PJA2: variants seen among roughly 807,000 people sequenced by gnomAD.
The protein encoded by PJA2 is praja ring finger ubiquitin ligase 2, also known as E3 ubiquitin-protein ligase Praja-2.
Under a neutral mutation model 69.3 loss-of-function variants are expected in PJA2, and 25 were observed. That is an observed-to-expected ratio of 0.36 (90% CI 0.26 to 0.50). PJA2 has a LOEUF of 0.50. Among genes scored for constraint, PJA2 ranks in the 20% least tolerant of loss-of-function variants. The pLI is 0.96. For synonymous variants in PJA2, 308 were observed against 277.8 expected, an observed-to-expected ratio of 1.11 and a Z score of -1.08; for missense variants, 809 against 830.2, an observed-to-expected ratio of 0.97 and a Z score of 0.31.
chr5:109,403,969 G>T (rs891172725), intron 1 of PJA2, among the ~76,000 whole-genome samples: 3 of 151,970 alleles, frequency 2.0e-5, no homozygotes, highest in African/African-American at 7.3e-5. Flanking sequence ...TACTCAGGGG[G>T]CTGAGGCAGA....
chr5:109,335,767 A>C lies in PJA2; in HGVS notation c.*1464T>G, dbSNP rs1233482704. ...GAGGGAAAACATGCTAGCTAATGCA[A>C]CATTAAGGCCTGAATGTAAGCATTT... On this transcript the variant is annotated 3_prime_UTR_variant, in exon 10 of 10. Transcript: ENST00000361189. The C allele has an allele frequency of 6.6e-6, 1 of 152,628 alleles. No individual in the cohort carries two copies. The highest frequency in any genetic ancestry group is 2.4e-5 in the African/African-American group (1 of 41,462). 9.5% of individuals were successfully genotyped at this position (152,628 alleles called of 1,614,324 possible).
At chr5:109,387,900 C>T (rs187922414) in intron 1 of PJA2, among the ~76,000 whole-genome samples, 7 of 152,252 alleles carry the variant, frequency 4.6e-5, no homozygotes, top group Non-Finnish European at 1.0e-4. Context: ...AGTTACTGAA[C>T]AAACGAATGA....
chr5:109,344,653 T>C, intron 8 of PJA2, 52 bp downstream of exon 8: 4 of 1,190,780 alleles, frequency 3.4e-6, no homozygotes, highest in Non-Finnish European at 4.9e-6. Flanking sequence ...ATTGATAATA[T>C]ACTTAAATGT....
Position 109,401,239 on chromosome 5 carries a change from G to A in PJA2, c.-88+8603C>T, listed in dbSNP as rs530932566. Among the ~76,000 whole-genome samples, 1,173 of 152,170 alleles carry A rather than the reference G, an allele frequency of 7.7e-3. 20 individuals carry two copies. The highest frequency in any genetic ancestry group is 5.4e-3 in the Non-Finnish European group (369 of 67,988). On this transcript the variant is annotated intron_variant, in intron 1 of 9. Coordinates refer to ENST00000361189, the MANE Select transcript of PJA2 (RefSeq NM_014819.5). ...GTAGAGGTTGCAGTGAGCTGAGATGGCGCCATTGCACTCCAACCTGGGCGA... is the reference window on the plus strand; with the variant it reads ...GTAGAGGTTGCAGTGAGCTGAGATGACGCCATTGCACTCCAACCTGGGCGA...
chr5:109,390,330 A>AT (rs982426666), intron 1 of PJA2, among the ~76,000 whole-genome samples: 6 of 150,920 alleles, frequency 4.0e-5, no homozygotes, highest in South Asian at 2.1e-4. Flanking sequence ...ACTCATCATG[A>AT]TTTTTTTTTC....
At chr5:109,380,114 G>C (rs1332158419) in intron 3 of PJA2, among the ~76,000 whole-genome samples, 1 of 90,996 alleles carries the variant, frequency 1.1e-5, no homozygotes, top group East Asian at 3.1e-4. Flanking sequence ...TTTTTTTTGA[G>C]ACGGAGTCTT....
Position 109,344,294 on chromosome 5 carries a change from A to C in PJA2, c.1897T>G (p.Cys633Gly), listed in dbSNP as rs1248126716. ...TACTCACTGCAACAGATTGGACAGCATTGTTCCTGACCAATAGCTGAAAAC... is the reference window on the plus strand; with the variant it reads ...TACTCACTGCAACAGATTGGACAGCCTTGTTCCTGACCAATAGCTGAAAAC... ...EDHTAIGQEQ[C>G]CPICCSEYIK... Residue 633 changes from cysteine to glycine, a missense_variant, in exon 9 of 10, where the codon TGC (cysteine) becomes GGC (glycine). Physicochemically the swap from Cys to Gly is radical, Grantham distance 159. This residue lies in a region of PJA2 where 19 missense variants were observed against 62.9 expected (regional missense o/e 0.30). Transcript: ENST00000361189. 1 of 1,600,358 alleles carries C rather than the reference A, an allele frequency of 6.2e-7. No homozygotes were observed.
chr5:109,409,909 TC>T lies in PJA2; in HGVS notation c.-156del. On this transcript the variant is annotated 5_prime_UTR_variant, in exon 1 of 10. Coordinates refer to ENST00000361189, the MANE Select transcript of PJA2 (RefSeq NM_014819.5). Reference sequence around the variant, plus strand: ...TCCACCCGCCACCACCGCCTTCTTCTCCGCCTCCAACTCCTCCCCCGCCGAA... The same window carrying T: ...TCCACCCGCCACCACCGCCTTCTTCTCGCCTCCAACTCCTCCCCCGCCGAA... 1 of 177,766 alleles carries T rather than the reference TC, an allele frequency of 5.6e-6. No homozygotes were observed. Among genetic ancestry groups the T allele is most frequent in the Non-Finnish European group, 1.2e-5 (1 of 85,090 alleles). The allele number at this position is 177,766 out of a possible 1,614,324, so 11.0% of individuals were successfully genotyped here. A position where few individuals can be genotyped will look rare whatever the true frequency, so the allele number is the denominator to read the frequency against.
chr5:109,399,210 CAA>C (rs1251249257), intron 1 of PJA2, among the ~76,000 whole-genome samples: 23 of 96,596 alleles, frequency 2.4e-4, no homozygotes, highest in Non-Finnish European at 2.9e-4. Context: ...AACTCTGTCT[CAA>C]AAAAAAAAAA....
intron 9 of PJA2, among the ~76,000 whole-genome samples, chr5:109,341,416 C>T (rs1468399216): frequency 1.4e-5 from 2 of 144,134 alleles, no homozygotes; most frequent in African/African-American, 2.6e-5. Flanking sequence ...ACCACCCCGT[C>T]TGAGAAGTGA....
chr5:109,388,782 C>T (rs1582622095), intron 1 of PJA2, among the ~76,000 whole-genome samples: 1 of 152,162 alleles, frequency 6.6e-6, no homozygotes, highest in African/African-American at 2.4e-5. Context: ...TTTATATTTA[C>T]ATATATGCCT....
intron 4 of PJA2, among the ~76,000 whole-genome samples, chr5:109,376,303 T>C (rs1232093607): frequency 6.7e-6 from 1 of 148,576 alleles, no homozygotes; most frequent in Non-Finnish European, 1.5e-5. Flanking sequence ...TTGACATCAC[T>C]TAAGAAAAAA....
At chr5:109,400,795 T>C (rs1041677024) in intron 1 of PJA2, among the ~76,000 whole-genome samples, 19 of 151,718 alleles carry the variant, frequency 1.3e-4, no homozygotes, top group African/African-American at 3.9e-4. Context: ...CTGGCTAACA[T>C]GGTGAAACCC....
At chr5:109,395,261 G>C (rs947425508) in intron 1 of PJA2, among the ~76,000 whole-genome samples, 1 of 152,236 alleles carries the variant, frequency 6.6e-6, no homozygotes, top group Non-Finnish European at 1.5e-5. Context: ...GCTGGGCCCA[G>C]TGGCTCATGC....
chr5:109,379,114 T>G lies in PJA2; in HGVS notation c.373A>C (p.Ser125Arg). 6.2e-7 allele frequency: 1 copy of G among 1,614,136 alleles called. No homozygotes were observed. Among genetic ancestry groups the G allele is most frequent in the Non-Finnish European group, 8.5e-7 (1 of 1,180,024 alleles). ...CCTAAGGTATCCCTGCCTTCCTCACTGTGATGTACTGCAACAAAGGATTGA... is the reference window on the plus strand; with the variant it reads ...CCTAAGGTATCCCTGCCTTCCTCACGGTGATGTACTGCAACAAAGGATTGA... ...SSQSFVAVHH[S>R]EEGRDTLGSS... Residue 125 changes from serine to arginine, a missense_variant, in exon 4 of 10, where the codon AGT becomes CGT. Physicochemically the swap from Ser to Arg is moderately radical, Grantham distance 110. Transcript: ENST00000361189.
In PJA2 at chr5:109,379,125, G is replaced by T. The variant is rs1166886625; in HGVS notation, c.362C>A (p.Ala121Glu). ...QTTESSQSFV[A>E]VHHSEEGRDT... ...CCTGCCTTCCTCACTGTGATGTACT[G>T]CAACAAAGGATTGACTGCTCTCAGT... The change falls in exon 4 of 10, where the codon GCA (alanine) becomes GAA (glutamate). Residue 121 changes from alanine (A) to glutamate (E), a missense_variant. By Grantham distance (107) the Ala-to-Glu change is moderately radical (BLOSUM62 -1). Coordinates refer to ENST00000361189, the MANE Select transcript of PJA2 (RefSeq NM_014819.5). The T allele has an allele frequency of 6.2e-7, 1 of 1,614,042 alleles. No individual in the cohort carries two copies. The highest frequency in any genetic ancestry group is 1.7e-5 in the Admixed American group (1 of 60,024).
chr5:109,389,089 T>C (rs1747227469), intron 1 of PJA2, among the ~76,000 whole-genome samples: 1 of 152,198 alleles, frequency 6.6e-6, no homozygotes, highest in Non-Finnish European at 1.5e-5. Flanking sequence ...CCTATGTTCA[T>C]GAGAAATATT....
At chr5:109,339,814 T>C (rs560530874) in intron 9 of PJA2, among the ~76,000 whole-genome samples, 2 of 152,334 alleles carry the variant, frequency 1.3e-5, no homozygotes, top group East Asian at 3.9e-4. Context: ...CTTCAACTCT[T>C]ATAAAAACAC....
At chr5:109,344,336 C>G (rs754789807) in intron 8 of PJA2, 25 bp from the exon 9 acceptor site, 6 of 1,578,698 alleles carry the variant, frequency 3.8e-6, no homozygotes, top group Non-Finnish European at 5.1e-6. Flanking sequence ...TAATTCAGGT[C>G]AATCACACGT....
Sources: gnomAD v4.1 joint callset for allele counts (sites outside exome capture counted in the v4.1 genomes callset) on GRCh38, gnomAD v4.1.1 for gene constraint, gnomAD v4.1.1 regional missense constraint, MANE v1.5 for transcripts, NCBI Gene and HGNC (gene_info 2026-07-23, HGNC 2026-07-21) for gene names.